Variants in NIBAN2 observed in about 807,000 individuals in gnomAD.
NIBAN2 encodes the protein niban apoptosis regulator 2, also known as protein Niban 2.
Under a neutral mutation model 81.8 loss-of-function variants are expected in NIBAN2, and 36 were observed. That is an observed-to-expected ratio of 0.44 (90% CI 0.34 to 0.58). NIBAN2 has a LOEUF of 0.58. Among genes scored for constraint, NIBAN2 ranks in the 20% least tolerant of loss-of-function variants. The pLI is 0.02. For missense variants in NIBAN2, 897 were observed against 1,014.1 expected (o/e 0.88, Z 1.57); for synonymous variants, 445 against 441.6 (o/e 1.01, Z -0.10).
At chr9:127,575,246 T>G (rs1588197540) in intron 1 of NIBAN2, among the ~76,000 whole-genome samples, 1 of 124,106 alleles carries the variant, frequency 8.1e-6, no homozygotes, top group African/African-American at 3.1e-5. Context: ...TTTTTTTTTT[T>G]GAGATGGAGT....
At chr9:127,544,450 C>T (rs1232399834) in intron 1 of NIBAN2, among the ~76,000 whole-genome samples, 1 of 152,092 alleles carries the variant, frequency 6.6e-6, no homozygotes, top group Non-Finnish European at 1.5e-5. Context: ...GCTGCATGAA[C>T]CCTATAAGGG....
At chr9:127,523,888 G>T (rs1837011819) in intron 4 of NIBAN2, 42 bp from the exon 5 acceptor site, 2 of 1,583,572 alleles carry the variant, frequency 1.3e-6, no homozygotes, top group Admixed American at 3.4e-5. Context: ...CTCTGTGGTT[G>T]CCCTCCACCA....
intron 1 of NIBAN2, among the ~76,000 whole-genome samples, chr9:127,557,814 T>C (rs1336082652): frequency 1.3e-5 from 2 of 151,986 alleles, no homozygotes; most frequent in African/African-American, 4.8e-5. Context: ...TCAGGGTGAG[T>C]GAAAGGGCTC....
chr9:127,575,144 C>T (rs554460125), intron 1 of NIBAN2, among the ~76,000 whole-genome samples: 2 of 152,310 alleles, frequency 1.3e-5, no homozygotes, highest in African/African-American at 4.8e-5. Flanking sequence ...CCCCACTTCC[C>T]CTCCCCATTC....
At position 127,507,798 on chromosome 9, in the gene NIBAN2, T is replaced by C. The variant is rs1836638947; in HGVS notation, c.1654+69A>G. 9 of 1,416,850 alleles carry C rather than the reference T, an allele frequency of 6.4e-6. No individual in the cohort carries two copies. The African/African-American group carries it at 7.0e-5, about 11-fold the overall frequency. The allele number at this position is 1,416,850 out of a possible 1,614,324, so 87.8% of individuals were successfully genotyped here. On this transcript the variant is annotated intron_variant, in intron 13 of 13. Transcript: ENST00000373312. The surrounding 1 kb of genome is among the most constrained non-coding windows in gnomAD (Gnocchi z 6.8). Reference sequence around the variant, plus strand: ...TTGAGCCTTAGCTGACCCCCTCAGCTGCCACCACTTCTCAGCTGCGCCCCC... The same window carrying C: ...TTGAGCCTTAGCTGACCCCCTCAGCCGCCACCACTTCTCAGCTGCGCCCCC...
rs1836852921 is a variant in NIBAN2, at chr9:127,517,312, C to T, written c.706-96G>A. On this transcript the variant is annotated intron_variant, in intron 6 of 13. Coordinates refer to ENST00000373312, the MANE Select transcript of NIBAN2 (RefSeq NM_022833.4). The surrounding 1 kb of genome is among the most constrained non-coding windows in gnomAD (Gnocchi z 4.0). ...CCACAAGCCAGGCCGCTGCAGCCCC[C>T]ACCTCCTCCGCGACTGGCCCATTGC... 5.9e-6 allele frequency: 6 copies of T among 1,012,256 alleles called. No individual in the cohort carries two copies. Among genetic ancestry groups the T allele is most frequent in the South Asian group, 1.5e-5 (1 of 67,422 alleles). The allele number at this position is 1,012,256 out of a possible 1,614,324, so 62.7% of individuals were successfully genotyped here. A position where few individuals can be genotyped will look rare whatever the true frequency, so the allele number is the denominator to read the frequency against.
intron 1 of NIBAN2, among the ~76,000 whole-genome samples, chr9:127,558,228 A>G (rs1388690592): frequency 2.0e-5 from 3 of 152,052 alleles, no homozygotes; most frequent in East Asian, 3.9e-4. Flanking sequence ...TCTCCCAGAG[A>G]GCTTGTTTGT....
chr9:127,571,760 C>T (rs1837948540), upstream of NIBAN2, among the ~76,000 whole-genome samples: 1 of 151,902 alleles, frequency 6.6e-6, no homozygotes, highest in African/African-American at 2.4e-5. Context: ...GGGTGCTATG[C>T]ACACATGTGA....
chr9:127,507,290 C>T lies in NIBAN2; in HGVS notation c.1796G>A (p.Gly599Asp), dbSNP rs751207485. 10 of 1,593,162 alleles carry T rather than the reference C, an allele frequency of 6.3e-6. No individual in the cohort carries two copies. In the Admixed American group the frequency reaches 6.8e-5, roughly 11 times the overall value. The change falls in exon 14 of 14, where the codon GGC (glycine) becomes GAC (aspartate). Residue 599 changes from glycine to aspartate, a missense_variant. Transcript: ENST00000373312. This position sits in a 1 kb window ranked among gnomAD's most constrained non-coding sequence, Gnocchi z 6.8. ...WGEEYSNSGG[G>D]GSPSPSTPES... Reference sequence around the variant, plus strand: ...CGGGGTGCTGGGGCTGGGGCTGCCGCCCCCGCCGCTGTTGCTGTACTCCTC... The same window carrying T: ...CGGGGTGCTGGGGCTGGGGCTGCCGTCCCCGCCGCTGTTGCTGTACTCCTC...
chr9:127,546,103 C>T (rs1228931440), intron 1 of NIBAN2, among the ~76,000 whole-genome samples: 5 of 152,242 alleles, frequency 3.3e-5, no homozygotes, highest in Non-Finnish European at 7.3e-5. Flanking sequence ...GCCAAGGCCA[C>T]GCCCAAGGAG....
At chr9:127,540,789 G>C (rs1376164026) in intron 1 of NIBAN2, among the ~76,000 whole-genome samples, 1 of 152,266 alleles carries the variant, frequency 6.6e-6, no homozygotes, top group Non-Finnish European at 1.5e-5. Flanking sequence ...GCCAGCCCTG[G>C]TTTGGCCCCA....
Position 127,506,776 on chromosome 9 carries a change from A to G in NIBAN2, c.*69T>C, listed in dbSNP as rs1349911533. 4 of 1,438,230 alleles carry G rather than the reference A, an allele frequency of 2.8e-6. No homozygotes were observed. The highest frequency in any genetic ancestry group is 2.8e-6 in the Non-Finnish European group (3 of 1,062,230). 89.1% of individuals were successfully genotyped at this position (1,438,230 alleles called of 1,614,324 possible). On this transcript the variant is annotated 3_prime_UTR_variant, in exon 14 of 14. Coordinates refer to ENST00000373312, the MANE Select transcript of NIBAN2 (RefSeq NM_022833.4). ...AGGCACAGACCAGGGTGCCCTCCCC[A>G]GAGCTGAGCCTGCCTGGGTCCGGAA...
rs908858022 is a variant in NIBAN2 at position 127,559,722 on chromosome 9, C to A, written c.55+9098G>T. 3.9e-5 allele frequency among the ~76,000 whole-genome samples: 6 copies of A among 152,184 alleles called. No homozygotes were observed. The highest frequency in any genetic ancestry group is 1.4e-4 in the African/African-American group (6 of 41,438). Reference sequence around the variant, plus strand: ...GCAAACCACAGTTCATTCTTCCTCCCCTCCTGGATGCCCAGTTACTCCCTG... The same window carrying A: ...GCAAACCACAGTTCATTCTTCCTCCACTCCTGGATGCCCAGTTACTCCCTG... On this transcript the variant is annotated intron_variant, in intron 1 of 13. Coordinates refer to ENST00000373312, the MANE Select transcript of NIBAN2 (RefSeq NM_022833.4). This position sits in a 1 kb window ranked among gnomAD's most constrained non-coding sequence, Gnocchi z 4.0.
Position 127,507,579 on chromosome 9 carries a change from A to G in NIBAN2, c.1655-148T>C. 1.3e-6 allele frequency: 1 copy of G among 759,454 alleles called. No homozygotes were observed. The highest frequency in any genetic ancestry group is 2.1e-6 in the Non-Finnish European group (1 of 477,850). The allele number at this position is 759,454 out of a possible 1,614,324, so 47.0% of individuals were successfully genotyped here. On this transcript the variant is annotated intron_variant, in intron 13 of 13. Coordinates refer to ENST00000373312, the MANE Select transcript of NIBAN2 (RefSeq NM_022833.4). The surrounding 1 kb of genome is among the most constrained non-coding windows in gnomAD (Gnocchi z 6.8). ...CATTCCAGGCCTCGTTGCTGAAAGC[A>G]GCAAGGCCGTGATGCTATCTCCAGG... is the stretch of plus-strand genomic sequence containing the variant.
chr9:127,569,084 C>G (rs923254150), upstream of NIBAN2: 3 of 1,051,656 alleles, frequency 2.9e-6, no homozygotes, highest in Non-Finnish European at 3.4e-6. Flanking sequence ...GGCCCCCTCC[C>G]TGCCCTCGGC....
chr9:127,531,610 G>A (rs1286537462), intron 2 of NIBAN2, 38 bp downstream of exon 2: 1 of 1,595,326 alleles, frequency 6.3e-7, no homozygotes, highest in African/African-American at 1.3e-5. Context: ...ATGGCGAGAA[G>A]TAGCAGAACA....
intron 1 of NIBAN2, among the ~76,000 whole-genome samples, chr9:127,574,175 T>G (rs73607751): frequency 0.028 from 4,206 of 152,274 alleles, 78 homozygotes; most frequent in Middle Eastern, 0.048. Flanking sequence ...AGAACCTGGT[T>G]GAAAATGCCA....
At position 127,521,998 on chromosome 9, in the gene NIBAN2, CGCA is replaced by C. The variant is rs1564300688; in HGVS notation, c.589+1678_589+1680del. ...CTGTGCCCACCCCTTCCCTATCTGG[CGCA>C]GGTCACCCACCCTGCCAGGCCAGGT... On this transcript the variant is annotated intron_variant, in intron 5 of 13. Coordinates refer to ENST00000373312, the MANE Select transcript of NIBAN2 (RefSeq NM_022833.4). 4.6e-5 allele frequency among the ~76,000 whole-genome samples: 7 copies of C among 152,354 alleles called. 1 individual carries two copies. The East Asian group carries it at 1.3e-3, about 29-fold the overall frequency.
At chr9:127,568,393 G>A (rs1837895117) in intron 1 of NIBAN2, among the ~76,000 whole-genome samples, 1 of 152,182 alleles carries the variant, frequency 6.6e-6, no homozygotes, top group Non-Finnish European at 1.5e-5. Context: ...GGGACGGGAC[G>A]GCTGGGGAGG....
Sources: gnomAD v4.1 joint callset for allele counts (sites outside exome capture counted in the v4.1 genomes callset) on GRCh38, gnomAD v4.1.1 for gene constraint, Gnocchi (gnomAD v3.1) non-coding constraint, MANE v1.5 for transcripts, NCBI Gene and HGNC (gene_info 2026-07-23, HGNC 2026-07-21) for gene names.